DMD: variants seen among roughly 807,000 people sequenced by gnomAD.
DMD encodes dystrophin.
In DMD, 63 loss-of-function variants were observed where a neutral mutation model predicts 330.1. The ratio of observed to expected loss-of-function variants is 0.19; its 90% CI spans 0.16 to 0.24. The LOEUF (loss-of-function observed/expected upper bound fraction) is 0.24, where lower values mean the gene tolerates loss of function less well. Ranked by LOEUF, DMD falls within the 10% of genes least tolerant of loss-of-function variation. The pLI is 1.00. For synonymous variants in DMD, 1,223 were observed against 959.8 expected (o/e 1.27, Z -5.07); for missense variants, 3,344 against 2,684.1 (o/e 1.25, Z -5.43).
intron 44 of DMD, among the ~76,000 whole-genome samples, chrX:32,177,307 C>T (rs1270262934): frequency 8.9e-6 from 1 of 111,970 alleles, no homozygotes; most frequent in East Asian, 2.8e-4. Context: ...GTGACAAAGC[C>T]CTTCTGGGCA....
At chrX:32,899,423 C>A (rs1316955947) in intron 2 of DMD, among the ~76,000 whole-genome samples, 4 of 110,641 alleles carry the variant, frequency 3.6e-5, no homozygotes, top group African/African-American at 1.3e-4. Flanking sequence ...CGCCTGCAAT[C>A]ACAGCACTTT....
At chrX:32,983,574 C>T (rs1271586541) in intron 2 of DMD, among the ~76,000 whole-genome samples, 27 of 63,961 alleles carry the variant, frequency 4.2e-4, no homozygotes, top group South Asian at 7.5e-4. Flanking sequence ...CACACACACA[C>T]ATATAGGAAC....
intron 13 of DMD, among the ~76,000 whole-genome samples, chrX:32,574,530 T>A (rs1325771501): frequency 8.9e-6 from 1 of 111,779 alleles, no homozygotes; most frequent in Non-Finnish European, 1.9e-5. Flanking sequence ...GGAAAACAAA[T>A]ATTGTGATGC....
chrX:32,531,407 T>A (rs1365052569), intron 17 of DMD, among the ~76,000 whole-genome samples: 1 of 111,850 alleles, frequency 8.9e-6, no homozygotes, highest in African/African-American at 3.2e-5. Context: ...TGGACACTCG[T>A]ACTCTAAAAA....
At chrX:32,465,224 C>T in intron 23 of DMD, among the ~76,000 whole-genome samples, 1 of 111,790 alleles carries the variant, frequency 8.9e-6, no homozygotes, top group Middle Eastern at 4.7e-3. Flanking sequence ...CTGACCAGTA[C>T]GAAGTAATGA....
intron 63 of DMD, among the ~76,000 whole-genome samples, chrX:31,247,303 A>C (rs1380203006): frequency 9.0e-6 from 1 of 111,305 alleles, no homozygotes; most frequent in Admixed American, 9.6e-5. Context: ...GGGCAAAGTA[A>C]ATGGAAAATC....
intron 62 of DMD, among the ~76,000 whole-genome samples, chrX:31,284,608 T>G (rs867529334): frequency 3.6e-5 from 1 of 28,045 alleles, no homozygotes; most frequent in East Asian, 1.2e-3. Flanking sequence ...TCTTCTTCTT[T>G]TTTTTGGCAG....
intron 29 of DMD, among the ~76,000 whole-genome samples, chrX:32,426,060 T>C (rs569048330): frequency 2.7e-5 from 3 of 111,571 alleles, no homozygotes; most frequent in East Asian, 5.6e-4. Flanking sequence ...ATCCTGGACA[T>C]AGGAATGGGA....
chrX:31,976,000 T>C (rs1229253460), intron 44 of DMD, among the ~76,000 whole-genome samples: 1 of 111,317 alleles, frequency 9.0e-6, no homozygotes, highest in Non-Finnish European at 1.9e-5. Flanking sequence ...AAGTCAATTA[T>C]TGATTGGATA....
intron 55 of DMD, among the ~76,000 whole-genome samples, chrX:31,521,555 G>A (rs151227887): frequency 8.9e-6 from 1 of 112,103 alleles, no homozygotes; most frequent in Non-Finnish European, 1.9e-5. Context: ...CAGCATTGTC[G>A]CTGACCCTGA....
intron 43 of DMD, among the ~76,000 whole-genome samples, chrX:32,265,754 T>C (rs2097341820): frequency 8.9e-6 from 1 of 112,596 alleles, no homozygotes; most frequent in Non-Finnish European, 1.9e-5. Context: ...GGATTTGACA[T>C]GCATGGAGCC....
chrX:32,394,533 T>TA (rs2055864202), intron 30 of DMD, among the ~76,000 whole-genome samples: 1 of 112,071 alleles, frequency 8.9e-6, no homozygotes, highest in Non-Finnish European at 1.9e-5. Flanking sequence ...ACAGTATATG[T>TA]AAAAATACCT....
intron 29 of DMD, among the ~76,000 whole-genome samples, chrX:32,437,870 A>G (rs922135850): frequency 8.9e-6 from 1 of 112,344 alleles, no homozygotes; most frequent in Non-Finnish European, 1.9e-5. Flanking sequence ...AATTGCATGT[A>G]TTATTAGCAG....
intron 17 of DMD, among the ~76,000 whole-genome samples, chrX:32,531,470 T>C (rs1183537266): frequency 1.8e-5 from 2 of 112,011 alleles, no homozygotes; most frequent in African/African-American, 6.5e-5. Context: ...AATGCCAAAC[T>C]TTCATTCAAA....
intron 48 of DMD, among the ~76,000 whole-genome samples, chrX:31,846,243 A>G (rs1422891325): frequency 9.0e-6 from 1 of 111,321 alleles, no homozygotes; most frequent in Non-Finnish European, 1.9e-5. Context: ...TTTATATCCA[A>G]TGTTCTCGGT....
At chrX:32,691,180 G>A (rs1448427215) in intron 9 of DMD, among the ~76,000 whole-genome samples, 1 of 110,490 alleles carries the variant, frequency 9.1e-6, no homozygotes, top group Admixed American at 9.7e-5. Context: ...TTATCAAAAA[G>A]ACAGCAACCA....
intron 2 of DMD, among the ~76,000 whole-genome samples, chrX:32,892,276 C>T (rs1331779196): frequency 1.8e-5 from 2 of 112,391 alleles, no homozygotes; most frequent in Non-Finnish European, 3.8e-5. Context: ...ACTGCACATT[C>T]TTCTTTTAGG....
chrX:33,166,422 A>C (rs2049055777), intron 1 of DMD, among the ~76,000 whole-genome samples: 1 of 111,682 alleles, frequency 9.0e-6, no homozygotes. Flanking sequence ...CCTAAATTAA[A>C]ACTTATGGTG....
At chrX:33,149,821 T>C (rs943064385) in intron 1 of DMD, among the ~76,000 whole-genome samples, 1 of 111,412 alleles carries the variant, frequency 9.0e-6, no homozygotes, top group African/African-American at 3.3e-5. Flanking sequence ...TGATACCACA[T>C]AGAGTGGAAA....
Sources: allele counts gnomAD v4.1 joint callset (sites outside exome capture counted in the v4.1 genomes callset), GRCh38; gene constraint gnomAD v4.1.1; transcripts MANE v1.5; gene names NCBI Gene and HGNC (gene_info 2026-07-23, HGNC 2026-07-21).